CPE: variants seen among roughly 807,000 people sequenced by gnomAD.
CPE encodes the protein carbocypeptidase E.
A neutral mutation model predicts 53.5 loss-of-function variants in CPE; 17 were observed. That is an observed-to-expected ratio of 0.32 (90% CI 0.22 to 0.48). The LOEUF is 0.48. Ranked by LOEUF, CPE falls within the 20% of genes least tolerant of loss-of-function variation. The pLI, the probability that CPE is intolerant of heterozygous loss-of-function variation, is 0.99. For synonymous variants in CPE, 226 were observed against 228.8 expected (o/e 0.99, Z 0.11); for missense variants, 524 against 614.7 (o/e 0.85, Z 1.56).
chr4:165,401,094 G>T (rs953735770), intron 1 of CPE, among the ~76,000 whole-genome samples: 3 of 151,556 alleles, frequency 2.0e-5, no homozygotes, highest in African/African-American at 4.9e-5. Flanking sequence ...CCTTTAGTGT[G>T]ACTTGAAACC....
At chr4:165,440,463 CA>C (rs1553974633) in intron 1 of CPE, among the ~76,000 whole-genome samples, 80 of 126,452 alleles carry the variant, frequency 6.3e-4, no homozygotes, top group Middle Eastern at 3.6e-3. Flanking sequence ...CACCCCCCCC[CA>C]CACACACAAG....
intron 1 of CPE, among the ~76,000 whole-genome samples, chr4:165,396,727 A>T (rs1215990436): frequency 6.6e-6 from 1 of 151,198 alleles, no homozygotes; most frequent in Admixed American, 6.6e-5. Context: ...CGGAAATATA[A>T]TATTTAAGGT....
chr4:165,464,446 G>C lies in CPE; in HGVS notation c.364G>C (p.Glu122Gln). 1 of 1,613,592 alleles carries C rather than the reference G, an allele frequency of 6.2e-7. No homozygotes were observed. Among genetic ancestry groups the C allele is most frequent in the South Asian group, 1.1e-5 (1 of 90,986 alleles). Residue 122 changes from glutamate to glutamine, a missense_variant, in exon 2 of 9, where the codon GAA becomes CAA. Transcript: ENST00000402744. ...GCATGGGAATGAGGCTGTTGGACGA[G>C]AACTGCTCATTTTCTTGGCCCAGTA... is the stretch of plus-strand genomic sequence containing the variant. Reference protein sequence around the residue: ...NMHGNEAVGRELLIFLAQYLC... With the variant: ...NMHGNEAVGRQLLIFLAQYLC...
chr4:165,413,430 C>T (rs958176102), intron 1 of CPE, among the ~76,000 whole-genome samples: 3 of 152,152 alleles, frequency 2.0e-5, no homozygotes, highest in Non-Finnish European at 4.4e-5. Context: ...AATTAATTAG[C>T]AGGCATGTTT....
Position 165,443,914 on chromosome 4 carries a change from T to C in CPE, c.308-20476T>C, listed in dbSNP as rs150254472. ...GCCCTTACAATGAGACCCCAGAGAG[T>C]TGCCTTTTCCATCACATGAGGACAC... is the stretch of plus-strand genomic sequence containing the variant. On this transcript the variant is annotated intron_variant, in intron 1 of 8. Coordinates refer to ENST00000402744, the MANE Select transcript of CPE (RefSeq NM_001873.4). 1.1e-4 allele frequency among the ~76,000 whole-genome samples: 16 copies of C among 151,994 alleles called. No individual in the cohort carries two copies. In the East Asian group the frequency reaches 2.7e-3, roughly 26 times the overall value.
At chr4:165,380,728 T>C (rs1474717996) in intron 1 of CPE, among the ~76,000 whole-genome samples, 1 of 152,196 alleles carries the variant, frequency 6.6e-6, no homozygotes, top group East Asian at 1.9e-4. Context: ...ATATAGTAGG[T>C]GGGTTGATCA....
intron 6 of CPE, among the ~76,000 whole-genome samples, chr4:165,490,629 CAAAAAAAAAAA>C (rs36034365): frequency 2.4e-5 from 1 of 41,010 alleles, no homozygotes; most frequent in Non-Finnish European, 5.1e-5. Flanking sequence ...GACTCCGTCT[CAAAAAAAAAAA>C]AAAAAAAAAA....
At chr4:165,391,195 A>G (rs965012757) in intron 1 of CPE, among the ~76,000 whole-genome samples, 2 of 152,138 alleles carry the variant, frequency 1.3e-5, no homozygotes, top group African/African-American at 4.8e-5. Flanking sequence ...CTCATTGGAT[A>G]CTATAATTTT....
At chr4:165,391,251 TTAAA>T (rs1424457764) in intron 1 of CPE, among the ~76,000 whole-genome samples, 4 of 152,172 alleles carry the variant, frequency 2.6e-5, no homozygotes, top group African/African-American at 4.8e-5. Context: ...AATGCATTTC[TTAAA>T]TGAATGTACA....
intron 3 of CPE, among the ~76,000 whole-genome samples, chr4:165,470,015 C>T (rs1017613785): frequency 1.3e-5 from 2 of 152,184 alleles, no homozygotes; most frequent in African/African-American, 4.8e-5. Context: ...CAGGTGGGGG[C>T]TGGTCTTCTT....
chr4:165,443,434 G>A (rs1232916050), intron 1 of CPE, among the ~76,000 whole-genome samples: 1 of 152,180 alleles, frequency 6.6e-6, no homozygotes, highest in Non-Finnish European at 1.5e-5. Context: ...ACCACAGACT[G>A]GGTAGCTTTA....
chr4:165,448,384 C>T (rs184230897), intron 1 of CPE, among the ~76,000 whole-genome samples: 2 of 152,252 alleles, frequency 1.3e-5, no homozygotes, highest in Admixed American at 6.5e-5. Context: ...TCTTCAGTTA[C>T]CTATGGGGAA....
chr4:165,415,903 A>G (rs541734842), intron 1 of CPE, among the ~76,000 whole-genome samples: 1 of 152,194 alleles, frequency 6.6e-6, no homozygotes, highest in South Asian at 2.1e-4. Context: ...CGGTCCAAGA[A>G]TGACACAGAT....
In CPE at chr4:165,480,475, T is replaced by G. The variant is rs1024541468; in HGVS notation, c.673-1767T>G. Among the ~76,000 whole-genome samples, 36 of 152,330 alleles carry G rather than the reference T, an allele frequency of 2.4e-4. No homozygotes were observed. The East Asian group carries it at 6.9e-3, about 29-fold the overall frequency. On this transcript the variant is annotated intron_variant, in intron 3 of 8. Coordinates refer to ENST00000402744, the MANE Select transcript of CPE (RefSeq NM_001873.4). ...ATATAAACATCCCAGTATCACCTCT[T>G]GGAGATTACTAGTACTAGTGTAGTG...
intron 1 of CPE, among the ~76,000 whole-genome samples, chr4:165,427,375 T>G (rs1731339698): frequency 7.1e-6 from 1 of 140,316 alleles, no homozygotes; most frequent in Non-Finnish European, 1.6e-5. Context: ...AAATTATAAT[T>G]TTGTCCAACC....
intron 3 of CPE, among the ~76,000 whole-genome samples, chr4:165,475,329 G>T (rs919474418): frequency 3.9e-5 from 6 of 152,226 alleles, no homozygotes; most frequent in Admixed American, 3.3e-4. Context: ...TAAGGGCTGG[G>T]ATTCCAATTT....
intron 1 of CPE, among the ~76,000 whole-genome samples, chr4:165,426,213 A>T (rs1016377740): frequency 7.2e-5 from 11 of 152,244 alleles, no homozygotes; most frequent in African/African-American, 2.7e-4. Context: ...GATATGAAGC[A>T]AGCTTTATTT....
intron 3 of CPE, among the ~76,000 whole-genome samples, chr4:165,478,586 G>A (rs11730342): frequency 0.51 from 78,256 of 152,066 alleles, 21,855 homozygotes; most frequent in Non-Finnish European, 0.62. Flanking sequence ...ATTAAAACAT[G>A]CAAATAAGGA....
intron 1 of CPE, among the ~76,000 whole-genome samples, chr4:165,458,870 A>C (rs1489817185): frequency 6.6e-6 from 1 of 152,252 alleles, no homozygotes; most frequent in Admixed American, 6.5e-5. Flanking sequence ...ACAGAGTGAA[A>C]GTAAATTTTC....
Sources: gnomAD v4.1 joint callset for allele counts (sites outside exome capture counted in the v4.1 genomes callset) on GRCh38, gnomAD v4.1.1 for gene constraint, MANE v1.5 for transcripts, NCBI Gene and HGNC (gene_info 2026-07-23, HGNC 2026-07-21) for gene names.